Variants in GABRA4 observed in about 807,000 individuals in gnomAD.
GABRA4 encodes the protein gamma-aminobutyric acid type A receptor subunit alpha4.
Under a neutral mutation model 49.7 loss-of-function variants are expected in GABRA4, and 12 were observed. The ratio of observed to expected loss-of-function variants is 0.24; its 90% CI spans 0.15 to 0.39. The LOEUF is 0.39. GABRA4 is among the 10% of genes least tolerant of loss of function. The probability of loss-of-function intolerance (pLI) is 1.00; values close to 1 mark genes in which losing one functional copy is unlikely to be tolerated. For missense variants in GABRA4, 506 were observed against 686.0 expected (o/e 0.74, Z 2.93); for synonymous variants, 288 against 240.2 (o/e 1.20, Z -1.84).
chr4:46,967,012 A>T (rs1722786275), intron 7 of GABRA4, among the ~76,000 whole-genome samples: 1 of 151,716 alleles, frequency 6.6e-6, no homozygotes, highest in Non-Finnish European at 1.5e-5. Flanking sequence ...CACCACTCCC[A>T]TGTTGGCTGT....
At chr4:46,954,512 G>A (rs1477486983) in intron 8 of GABRA4, among the ~76,000 whole-genome samples, 8 of 150,202 alleles carry the variant, frequency 5.3e-5, no homozygotes, top group African/African-American at 1.5e-4. Context: ...AGCCAAAATC[G>A]TGCCATTGCA....
chr4:46,992,021 T>G (rs940073129), intron 2 of GABRA4, among the ~76,000 whole-genome samples: 3 of 152,232 alleles, frequency 2.0e-5, no homozygotes, highest in African/African-American at 7.2e-5. Context: ...GCAAGTCATT[T>G]GTCCTCGTTG....
chr4:46,956,099 A>G (rs961259748), intron 8 of GABRA4, among the ~76,000 whole-genome samples: 43 of 152,150 alleles, frequency 2.8e-4, no homozygotes, highest in African/African-American at 9.6e-4. Flanking sequence ...CTTAAAACAT[A>G]CAATTTAGTA....
At chr4:46,931,092 G>C (rs1490456461) in intron 8 of GABRA4, among the ~76,000 whole-genome samples, 1 of 152,032 alleles carries the variant, frequency 6.6e-6, no homozygotes, top group Non-Finnish European at 1.5e-5. Flanking sequence ...GATCTAAAGA[G>C]AGTCCCCATT....
Position 46,993,530 on chromosome 4 carries a change from C to T in GABRA4, c.-106G>A. ...GAGAGGCTCCCGCGGCGTGCGCACA[C>T]TCGCGCTCACACTCGCCCGCGCTCA... On this transcript the variant is annotated 5_prime_UTR_variant, in exon 1 of 9. In the 5' UTR this introduces an upstream ATG that the reference lacks. Coordinates refer to ENST00000264318, the MANE Select transcript of GABRA4 (RefSeq NM_000809.4). 8.4e-7 allele frequency: 1 copy of T among 1,194,710 alleles called. No individual in the cohort carries two copies. Among genetic ancestry groups the T allele is most frequent in the South Asian group, 1.3e-5 (1 of 76,778 alleles). The allele number at this position is 1,194,710 out of a possible 1,614,324, so 74.0% of individuals were successfully genotyped here.
chr4:46,957,988 G>T lies in GABRA4; in HGVS notation c.1134+6982C>A, dbSNP rs141348817. On this transcript the variant is annotated intron_variant, in intron 8 of 8. Coordinates refer to ENST00000264318, the MANE Select transcript of GABRA4 (RefSeq NM_000809.4). ...TATGAACAAAAATATTCTATATTGGGCTTATTATCTTCTGTATTCATATAT... is the reference window on the plus strand; with the variant it reads ...TATGAACAAAAATATTCTATATTGGTCTTATTATCTTCTGTATTCATATAT... 7.2e-3 allele frequency among the ~76,000 whole-genome samples: 1,094 copies of T among 151,644 alleles called. 6 individuals carry two copies. The highest frequency in any genetic ancestry group is 0.012 in the Non-Finnish European group (820 of 67,808).
intron 8 of GABRA4, among the ~76,000 whole-genome samples, chr4:46,935,911 C>T (rs902633456): frequency 6.6e-6 from 1 of 151,764 alleles, no homozygotes; most frequent in Non-Finnish European, 1.5e-5. Flanking sequence ...CAAATAAATA[C>T]AAAATGCAAT....
chr4:46,968,142 C>A (rs1722830812), intron 7 of GABRA4, among the ~76,000 whole-genome samples: 1 of 151,414 alleles, frequency 6.6e-6, no homozygotes, highest in African/African-American at 2.4e-5. Flanking sequence ...AAAATTTGCC[C>A]AGAATTAATA....
At chr4:46,933,020 A>G (rs1003084121) in intron 8 of GABRA4, among the ~76,000 whole-genome samples, 3 of 152,194 alleles carry the variant, frequency 2.0e-5, no homozygotes, top group Non-Finnish European at 1.5e-5. Flanking sequence ...GGAGAGTCTA[A>G]GCAAAAATAA....
chr4:46,992,996 T>A (rs779606374), intron 1 of GABRA4, 50 bp from the exon 2 acceptor site: 21 of 1,377,448 alleles, frequency 1.5e-5, no homozygotes, highest in Non-Finnish European at 1.9e-5. Context: ...ATTTTAAGAA[T>A]CCATCAGAGA....
At chr4:46,980,431 G>A (rs941649474) in intron 2 of GABRA4, among the ~76,000 whole-genome samples, 6 of 147,402 alleles carry the variant, frequency 4.1e-5, no homozygotes, top group Non-Finnish European at 7.5e-5. Flanking sequence ...TAGCTCCAAA[G>A]TTATCTTCAT....
At chr4:46,979,645 A>G (rs930044037) in intron 2 of GABRA4, among the ~76,000 whole-genome samples, 1 of 152,126 alleles carries the variant, frequency 6.6e-6, no homozygotes, top group Non-Finnish European at 1.5e-5. Flanking sequence ...CAAGTGACAG[A>G]TACTTACACT....
At chr4:46,993,053 A>T (rs928285271) in intron 1 of GABRA4, 107 bp from the exon 2 acceptor site, 2 of 874,898 alleles carry the variant, frequency 2.3e-6, no homozygotes, top group African/African-American at 1.7e-5. Context: ...CGCTTGCCCC[A>T]AGCTAAAGGA....
intron 8 of GABRA4, among the ~76,000 whole-genome samples, chr4:46,942,309 A>G (rs950714775): frequency 5.9e-5 from 9 of 152,098 alleles, no homozygotes; most frequent in African/African-American, 2.2e-4. Context: ...TATGGTTTCC[A>G]CTTCTTCGTC....
At chr4:46,990,064 C>T (rs1343867024) in intron 2 of GABRA4, among the ~76,000 whole-genome samples, 2 of 152,110 alleles carry the variant, frequency 1.3e-5, no homozygotes, top group Non-Finnish European at 1.5e-5. Context: ...AGAGAATGAC[C>T]CACTTCTAAA....
At chr4:46,976,958 G>T (rs888763432) in intron 5 of GABRA4, 103 bp downstream of exon 5, 7 of 665,706 alleles carry the variant, frequency 1.1e-5, no homozygotes, top group Non-Finnish European at 1.3e-5. Flanking sequence ...TTTTGTTATG[G>T]ACCATGACTT....
intron 8 of GABRA4, among the ~76,000 whole-genome samples, chr4:46,959,038 A>T (rs1722467296): frequency 6.6e-6 from 1 of 152,006 alleles, no homozygotes; most frequent in Non-Finnish European, 1.5e-5. Flanking sequence ...CTGAAATTCA[A>T]AACTTATAAT....
intron 8 of GABRA4, among the ~76,000 whole-genome samples, chr4:46,951,740 ATGTG>A (rs756758370): frequency 6.6e-6 from 1 of 150,950 alleles, no homozygotes; most frequent in East Asian, 1.9e-4. Flanking sequence ...ATATATATAT[ATGTG>A]TGTGTGTGTA....
intron 8 of GABRA4, among the ~76,000 whole-genome samples, chr4:46,947,891 G>A (rs557333856): frequency 6.6e-6 from 1 of 152,080 alleles, no homozygotes; most frequent in Non-Finnish European, 1.5e-5. Flanking sequence ...CAGGTAAGCA[G>A]CATTCACTCA....
Sources: allele counts gnomAD v4.1 joint callset (sites outside exome capture counted in the v4.1 genomes callset), GRCh38; gene constraint gnomAD v4.1.1; transcripts MANE v1.5; gene names NCBI Gene and HGNC (gene_info 2026-07-23, HGNC 2026-07-21).